BAZ1A: variants seen among roughly 807,000 people sequenced by gnomAD.
BAZ1A encodes the protein bromodomain adjacent to zinc finger domain 1A, also known as bromodomain adjacent to zinc finger domain protein 1A.
In BAZ1A, 50 loss-of-function variants were observed where a neutral mutation model predicts 185.2. The ratio of observed to expected loss-of-function variants is 0.27; its 90% CI spans 0.22 to 0.34. The LOEUF (loss-of-function observed/expected upper bound fraction) is 0.34. Ranked by LOEUF, BAZ1A falls within the 10% of genes least tolerant of loss-of-function variation. The pLI is 1.00. For synonymous variants in BAZ1A, 571 were observed against 615.6 expected, an observed-to-expected ratio of 0.93 and a Z score of 1.07; for missense variants, 1,356 against 1,839.9, an observed-to-expected ratio of 0.74 and a Z score of 4.81.
At chr14:34,798,869 C>T (rs886493128) in intron 9 of BAZ1A, among the ~76,000 whole-genome samples, 8 of 152,102 alleles carry the variant, frequency 5.3e-5, no homozygotes, top group Non-Finnish European at 1.0e-4. Context: ...TTTGACCCAG[C>T]GATCCCATTA....
At chr14:34,870,536 C>G (rs963273906) in intron 2 of BAZ1A, among the ~76,000 whole-genome samples, 1 of 152,164 alleles carries the variant, frequency 6.6e-6, no homozygotes, top group East Asian at 1.9e-4. Flanking sequence ...CATTGAATAC[C>G]TAGAGCTTAA....
At chr14:34,804,198 G>A (rs1437627439) in intron 6 of BAZ1A, among the ~76,000 whole-genome samples, 1 of 152,146 alleles carries the variant, frequency 6.6e-6, no homozygotes, top group East Asian at 1.9e-4. Context: ...AGTAGAGACA[G>A]GGTCTCACCA....
chr14:34,867,067 G>A (rs1310379452), intron 2 of BAZ1A, among the ~76,000 whole-genome samples: 1 of 152,002 alleles, frequency 6.6e-6, no homozygotes, highest in African/African-American at 2.4e-5. Context: ...AGCACATGCT[G>A]GCTAACACAG....
Position 34,753,473 on chromosome 14 carries a change from GTT to G in BAZ1A, c.*33_*34del. ...AATGTTCCATTTTCATGAACAATTT[GTT>G]TTTCTTCAAATATATCCTTTAGAAG... On this transcript the variant is annotated 3_prime_UTR_variant, in exon 27 of 27. Coordinates refer to ENST00000360310, the MANE Select transcript of BAZ1A (RefSeq NM_013448.3). The G allele has an allele frequency of 6.2e-7, 1 of 1,603,930 alleles. No individual in the cohort carries two copies. The highest frequency in any genetic ancestry group is 8.5e-7 in the Non-Finnish European group (1 of 1,171,918).
At chr14:34,777,705 G>A (rs1879737269) in intron 17 of BAZ1A, among the ~76,000 whole-genome samples, 1 of 150,382 alleles carries the variant, frequency 6.6e-6, no homozygotes, top group African/African-American at 2.4e-5. Flanking sequence ...ACAAAAACAG[G>A]GCAGGGCCAG....
At chr14:34,824,435 T>G (rs1230602878) in intron 4 of BAZ1A, among the ~76,000 whole-genome samples, 2 of 103,796 alleles carry the variant, frequency 1.9e-5, no homozygotes, top group Non-Finnish European at 3.8e-5. Flanking sequence ...AAAGAAGAGA[T>G]GTATCAAAAG....
At chr14:34,850,234 C>T (rs1179896983) in intron 3 of BAZ1A, among the ~76,000 whole-genome samples, 1 of 152,000 alleles carries the variant, frequency 6.6e-6, no homozygotes, top group African/African-American at 2.4e-5. Context: ...AAAAATTATC[C>T]AGGTGTGGTG....
intron 2 of BAZ1A, among the ~76,000 whole-genome samples, chr14:34,872,335 G>A (rs767336215): frequency 6.6e-6 from 1 of 152,116 alleles, no homozygotes; most frequent in Non-Finnish European, 1.5e-5. Context: ...GGTGGTTCAC[G>A]CCTATAATTC....
intron 5 of BAZ1A, among the ~76,000 whole-genome samples, chr14:34,810,627 A>T (rs1465443953): frequency 1.4e-5 from 2 of 146,684 alleles, no homozygotes; most frequent in East Asian, 2.0e-4. Context: ...GTCCATTAGG[A>T]TTTTTTTTTT....
At chr14:34,757,809 C>T (rs563241374) in intron 25 of BAZ1A, among the ~76,000 whole-genome samples, 168 of 149,600 alleles carry the variant, frequency 1.1e-3, no homozygotes, top group African/African-American at 3.8e-3. Context: ...TGCAATGGCG[C>T]GATCTCGGCT....
chr14:34,823,313 C>G (rs1475071691), intron 4 of BAZ1A, among the ~76,000 whole-genome samples: 1 of 151,858 alleles, frequency 6.6e-6, no homozygotes, highest in Admixed American at 6.6e-5. Context: ...GAGACTGCGC[C>G]ACTGCACTCC....
chr14:34,769,838 A>G (rs1157648477), intron 21 of BAZ1A, among the ~76,000 whole-genome samples: 2 of 152,204 alleles, frequency 1.3e-5, no homozygotes, highest in East Asian at 3.8e-4. Context: ...CCTTGTACAC[A>G]TAACTGGATT....
intron 14 of BAZ1A, among the ~76,000 whole-genome samples, chr14:34,784,186 T>C (rs1027207511): frequency 1.3e-5 from 2 of 151,558 alleles, no homozygotes; most frequent in African/African-American, 4.9e-5. Flanking sequence ...CTGGCCAACA[T>C]GGTGAAACCC....
chr14:34,767,047 C>A (rs75646827), intron 21 of BAZ1A, among the ~76,000 whole-genome samples: 1 of 152,184 alleles, frequency 6.6e-6, no homozygotes, highest in Non-Finnish European at 1.5e-5. Flanking sequence ...TCAAATGGCT[C>A]TTCAAAGCTG....
In BAZ1A at chr14:34,795,709, C is replaced by G. The variant is rs140514354; in HGVS notation, c.1185G>C (p.Trp395Cys). 4.3e-6 allele frequency: 7 copies of G among 1,612,798 alleles called. No homozygotes were observed. Among genetic ancestry groups the G allele is most frequent in the Non-Finnish European group, 5.9e-6 (7 of 1,179,700 alleles). Residue 395 changes from tryptophan (W) to cysteine (C), a missense_variant, in exon 10 of 27, where the codon TGG becomes TGC. Physicochemically the swap from Trp to Cys is radical, Grantham distance 215. Transcript: ENST00000360310. ...ATTCCATATCTTCTCTAGGTTTACT[C>G]CACTGTTTTAAGTATTCCACATACT... ...KRKYVEYLKQ[W>C]SKPREDMECD...
intron 21 of BAZ1A, among the ~76,000 whole-genome samples, chr14:34,765,922 A>G (rs2138558831): frequency 6.6e-6 from 1 of 152,278 alleles, no homozygotes; most frequent in Admixed American, 6.5e-5. Flanking sequence ...TACCACCTTA[A>G]TTTTCCAAAA....
chr14:34,774,412 G>C lies in BAZ1A; in HGVS notation c.2912C>G (p.Ala971Gly), dbSNP rs1594823853. 6.2e-7 allele frequency: 1 copy of C among 1,613,520 alleles called. No homozygotes were observed. The highest frequency in any genetic ancestry group is 2.2e-5 in the East Asian group (1 of 44,824). ...CAGCCTTAGTTCAAGTTGCTTTTCTGCACACATCTGAGATGGATCATATGC... is the reference window on the plus strand; with the variant it reads ...CAGCCTTAGTTCAAGTTGCTTTTCTCCACACATCTGAGATGGATCATATGC... ...SNAYDPSQMC[A>G]EKQLELRLRD... Residue 971 changes from alanine (A) to glycine (G), a missense_variant, in exon 19 of 27, where the codon GCA becomes GGA. Coordinates refer to ENST00000360310, the MANE Select transcript of BAZ1A (RefSeq NM_013448.3).
intron 21 of BAZ1A, chr14:34,768,746 A>G (rs898786585): frequency 7.2e-6 from 3 of 418,276 alleles, no homozygotes; most frequent in South Asian, 3.5e-5. Context: ...TTTTTTTTCT[A>G]TCTCCCTTTT....
intron 3 of BAZ1A, among the ~76,000 whole-genome samples, chr14:34,849,500 T>C (rs763261562): frequency 1.5e-4 from 23 of 152,182 alleles, no homozygotes; most frequent in Non-Finnish European, 2.6e-4. Flanking sequence ...CTTTTGCATT[T>C]TTCTCTGATA....
Sources: allele counts gnomAD v4.1 joint callset (sites outside exome capture counted in the v4.1 genomes callset), GRCh38; gene constraint gnomAD v4.1.1; transcripts MANE v1.5; gene names NCBI Gene and HGNC (gene_info 2026-07-23, HGNC 2026-07-21).